TNPO3: variants seen among roughly 807,000 people sequenced by gnomAD.
TNPO3 encodes transportin 3, also known as transportin-3.
TNPO3 carries 65 observed loss-of-function variants against 122.8 expected under a neutral mutation model. The observed-to-expected ratio is 0.53, with a 90% CI of 0.43 to 0.65. TNPO3 has a LOEUF of 0.65. Ranked by LOEUF, TNPO3 falls within the 30% of genes least tolerant of loss-of-function variation. The probability of loss-of-function intolerance (pLI) is 0.00; values close to 1 mark genes in which losing one functional copy is unlikely to be tolerated. For missense variants in TNPO3, 850 were observed against 1,136.7 expected, an observed-to-expected ratio of 0.75 and a Z score of 3.63; for synonymous variants, 372 against 411.2, an observed-to-expected ratio of 0.90 and a Z score of 1.15.
chr7:128,962,932 C>T (rs1797606576), intron 21 of TNPO3, among the ~76,000 whole-genome samples: 1 of 152,070 alleles, frequency 6.6e-6, no homozygotes, highest in African/African-American at 2.4e-5. Context: ...ATTATTTTAT[C>T]TGTCATATAT....
At chr7:128,993,322 C>T (rs951217196) in intron 9 of TNPO3, among the ~76,000 whole-genome samples, 3 of 152,226 alleles carry the variant, frequency 2.0e-5, no homozygotes, top group Admixed American at 1.3e-4. Flanking sequence ...GTCAGGAAAA[C>T]CCCTGGACTA....
intron 5 of TNPO3, 35 bp from the exon 6 acceptor site, chr7:129,001,269 A>G (rs759834944): frequency 4.4e-6 from 7 of 1,580,382 alleles, no homozygotes; most frequent in Non-Finnish European, 6.1e-6. Context: ...AGCAAGAAGT[A>G]TGATCACTAA....
intron 1 of TNPO3, among the ~76,000 whole-genome samples, chr7:129,052,745 C>G (rs560866516): frequency 6.6e-6 from 1 of 152,142 alleles, no homozygotes; most frequent in Non-Finnish European, 1.5e-5. Context: ...ATCCAAACAC[C>G]CAGCATAGTT....
chr7:128,995,258 T>C (rs1245378581), intron 8 of TNPO3, among the ~76,000 whole-genome samples: 1 of 152,230 alleles, frequency 6.6e-6, no homozygotes, highest in African/African-American at 2.4e-5. Flanking sequence ...TTAAAGATCA[T>C]TTATATTCCA....
At chr7:129,021,358 A>G (rs1386452546) in intron 1 of TNPO3, among the ~76,000 whole-genome samples, 2 of 151,260 alleles carry the variant, frequency 1.3e-5, no homozygotes, top group Non-Finnish European at 3.0e-5. Context: ...CCGTCTCAAA[A>G]AAAAAAAAAA....
chr7:129,032,248 A>G (rs901834770), intron 1 of TNPO3, among the ~76,000 whole-genome samples: 3 of 152,236 alleles, frequency 2.0e-5, no homozygotes, highest in African/African-American at 7.2e-5. Flanking sequence ...AGCTAACATC[A>G]CACAACAGTG....
At chr7:128,957,183 T>C in intron 22 of TNPO3, 41 bp downstream of exon 22, 1 of 1,566,802 alleles carries the variant, frequency 6.4e-7, no homozygotes, top group Non-Finnish European at 8.8e-7. Context: ...TCCCCAACAG[T>C]CCGACAGTCC....
chr7:128,962,112 T>C (rs1585320105), intron 21 of TNPO3, among the ~76,000 whole-genome samples: 1 of 152,250 alleles, frequency 6.6e-6, no homozygotes, highest in Admixed American at 6.5e-5. Context: ...ACACCTGTAA[T>C]CCCAGCACTT....
chr7:129,020,138 C>A (rs1192534847), intron 1 of TNPO3, among the ~76,000 whole-genome samples: 1 of 151,842 alleles, frequency 6.6e-6, no homozygotes, highest in African/African-American at 2.4e-5. Flanking sequence ...ACCCCTCCCG[C>A]CCCCCACCAA....
At chr7:129,039,562 A>G (rs1326474748) in intron 1 of TNPO3, among the ~76,000 whole-genome samples, 3 of 152,160 alleles carry the variant, frequency 2.0e-5, no homozygotes, top group Non-Finnish European at 2.9e-5. Context: ...TCTGTCTAAA[A>G]AAAAATAAAT....
chr7:128,999,931 T>C (rs1263396806), intron 7 of TNPO3, among the ~76,000 whole-genome samples: 2 of 152,094 alleles, frequency 1.3e-5, no homozygotes, highest in African/African-American at 4.8e-5. Context: ...TTTCTTATAC[T>C]ATAAAGAGGT....
intron 17 of TNPO3, among the ~76,000 whole-genome samples, chr7:128,975,521 A>G (rs2128999590): frequency 6.6e-6 from 1 of 152,252 alleles, no homozygotes; most frequent in Non-Finnish European, 1.5e-5. Flanking sequence ...ATAATGCTTG[A>G]GCTTAGAGAT....
chr7:128,957,879 GGGA>G lies in TNPO3; in HGVS notation c.2712-567_2712-565del, dbSNP rs575320149. 1.8e-3 allele frequency among the ~76,000 whole-genome samples: 277 copies of G among 152,250 alleles called. 1 individual carries two copies. Among genetic ancestry groups the G allele is most frequent in the Non-Finnish European group, 3.0e-3 (203 of 68,028 alleles). On this transcript the variant is annotated intron_variant, in intron 21 of 22. Coordinates refer to ENST00000265388, the MANE Select transcript of TNPO3 (RefSeq NM_012470.4). The stretch of plus-strand genomic sequence containing the variant: ...CAGGCTGCTCAGGATTTCCTCCTGT[GGGA>G]GGAGGAGGGAGAGAGGAAAGGGTTA...
At chr7:128,964,333 CTTTTTTTT>C (rs35667373) in intron 21 of TNPO3, among the ~76,000 whole-genome samples, 5 of 120,662 alleles carry the variant, frequency 4.1e-5, no homozygotes, top group African/African-American at 1.5e-4. Context: ...CCAAAACAAT[CTTTTTTTT>C]TTTTTTTTTT....
intron 22 of TNPO3, 21 bp from the exon 23 acceptor site, chr7:128,955,406 G>A (rs1266040818): frequency 2.2e-6 from 1 of 449,242 alleles, no homozygotes; most frequent in Non-Finnish European, 4.5e-6. Flanking sequence ...AGATAAGACA[G>A]TCAATAACTG....
upstream of TNPO3, chr7:129,056,182 A>G: frequency 1.1e-6 from 1 of 883,738 alleles, no homozygotes; most frequent in South Asian, 1.3e-5. Context: ...GCCCGGCAGA[A>G]GCTAGCTCCC....
chr7:129,036,272 G>C (rs1283443607), intron 1 of TNPO3, among the ~76,000 whole-genome samples: 1 of 151,912 alleles, frequency 6.6e-6, no homozygotes, highest in South Asian at 2.1e-4. Context: ...TGTTTTAAAG[G>C]GACAGGGTCT....
At position 128,957,436 on chromosome 7, in the gene TNPO3, G is replaced by A. The variant is rs574922367; in HGVS notation, c.2712-121C>T. 27 of 960,460 alleles carry A rather than the reference G, an allele frequency of 2.8e-5. No individual in the cohort carries two copies. The African/African-American group carries it at 3.1e-4, about 11-fold the overall frequency. The allele number at this position is 960,460 out of a possible 1,614,324, so 59.5% of individuals were successfully genotyped here. ...AACTCTGCTAGGAGCTCTCTCCATC[G>A]TCTCCTGAGCGATCCTGGCTTCAGA... On this transcript the variant is annotated intron_variant, in intron 21 of 22. Coordinates refer to ENST00000265388, the MANE Select transcript of TNPO3 (RefSeq NM_012470.4).
intron 1 of TNPO3, among the ~76,000 whole-genome samples, chr7:129,025,488 C>T (rs71581958): frequency 0.092 from 13,668 of 148,498 alleles, 854 homozygotes; most frequent in South Asian, 0.15. Flanking sequence ...TATAAAAGGA[C>T]AGTGGTTACC....
Sources: gnomAD v4.1 joint callset for allele counts (sites outside exome capture counted in the v4.1 genomes callset) on GRCh38, gnomAD v4.1.1 for gene constraint, MANE v1.5 for transcripts, NCBI Gene and HGNC (gene_info 2026-07-23, HGNC 2026-07-21) for gene names.